Variants in HERPUD2 observed in about 807,000 individuals in gnomAD.
HERPUD2 encodes the protein homocysteine-responsive endoplasmic reticulum-resident ubiquitin-like domain member 2 protein.
A neutral mutation model predicts 49.9 loss-of-function variants in HERPUD2; 13 were observed. The ratio of observed to expected loss-of-function variants is 0.26; its 90% CI spans 0.17 to 0.41. The LOEUF (loss-of-function observed/expected upper bound fraction) is 0.41, where lower values mean the gene tolerates loss of function less well. Among genes scored for constraint, HERPUD2 ranks in the 10% least tolerant of loss-of-function variants. The pLI is 1.00. For synonymous variants in HERPUD2, 172 were observed against 171.4 expected, an observed-to-expected ratio of 1.00 and a Z score of -0.03; for missense variants, 449 against 492.2, an observed-to-expected ratio of 0.91 and a Z score of 0.83.
chr7:35,662,457 C>T (rs1212131055), intron 5 of HERPUD2, among the ~76,000 whole-genome samples: 4 of 152,028 alleles, frequency 2.6e-5, no homozygotes, highest in Non-Finnish European at 5.9e-5. Context: ...TGGAACCAGC[C>T]CCTCTTTGTA....
At chr7:35,660,581 G>A (rs1785394172) in intron 5 of HERPUD2, among the ~76,000 whole-genome samples, 1 of 152,226 alleles carries the variant, frequency 6.6e-6, no homozygotes, top group Non-Finnish European at 1.5e-5. Flanking sequence ...TAACTGGTGT[G>A]AGATGGCATC....
intron 5 of HERPUD2, among the ~76,000 whole-genome samples, chr7:35,653,272 C>T (rs1320328180): frequency 6.6e-6 from 1 of 152,146 alleles, no homozygotes; most frequent in Non-Finnish European, 1.5e-5. Flanking sequence ...CAAACAAGAA[C>T]ATCTATCCTT....
chr7:35,682,345 GTGTGTGTGTGTGTA>G (rs1785924583), intron 2 of HERPUD2, among the ~76,000 whole-genome samples: 35 of 28,222 alleles, frequency 1.2e-3, no homozygotes, highest in Non-Finnish European at 1.7e-3. Flanking sequence ...GTGTGTGTGT[GTGTGTGTGTGTGTA>G]TATATATATA....
At chr7:35,693,368 T>C (rs1222901859) in intron 2 of HERPUD2, among the ~76,000 whole-genome samples, 2 of 152,174 alleles carry the variant, frequency 1.3e-5, no homozygotes, top group Non-Finnish European at 2.9e-5. Context: ...CTACAACTTA[T>C]AATTCTTTGG....
chr7:35,639,546 C>G (rs1784932878), intron 5 of HERPUD2, among the ~76,000 whole-genome samples: 1 of 152,124 alleles, frequency 6.6e-6, no homozygotes, highest in Non-Finnish European at 1.5e-5. Flanking sequence ...TGTAGAAAAT[C>G]ACATATATCA....
At chr7:35,641,033 AT>A (rs1037984771) in intron 5 of HERPUD2, among the ~76,000 whole-genome samples, 16 of 152,168 alleles carry the variant, frequency 1.1e-4, no homozygotes. Context: ...AAGAAAAAAA[AT>A]CAACATATTT....
chr7:35,637,155 A>G (rs1277641837), intron 6 of HERPUD2, among the ~76,000 whole-genome samples: 1 of 146,478 alleles, frequency 6.8e-6, no homozygotes, highest in Non-Finnish European at 1.5e-5. Flanking sequence ...AGAAAGAAAG[A>G]AAGAAAGATA....
chr7:35,687,720 C>T (rs1786095043), intron 2 of HERPUD2, among the ~76,000 whole-genome samples: 1 of 152,150 alleles, frequency 6.6e-6, no homozygotes, highest in African/African-American at 2.4e-5. Flanking sequence ...AAGTGTCTGA[C>T]CCTTTAATGT....
chr7:35,673,033 C>T (rs1479486772), intron 3 of HERPUD2, among the ~76,000 whole-genome samples, 168 bp downstream of exon 3: 2 of 152,126 alleles, frequency 1.3e-5, no homozygotes, highest in African/African-American at 2.4e-5. Flanking sequence ...GTTACCTAAA[C>T]TAATAAGAAA....
chr7:35,636,417 T>C (rs1784872285), intron 6 of HERPUD2, among the ~76,000 whole-genome samples: 1 of 152,232 alleles, frequency 6.6e-6, no homozygotes, highest in Admixed American at 6.5e-5. Context: ...TTCATGAATA[T>C]TCTGATACAC....
chr7:35,680,824 T>C (rs755257067), intron 2 of HERPUD2, among the ~76,000 whole-genome samples: 5 of 152,248 alleles, frequency 3.3e-5, no homozygotes, highest in African/African-American at 1.2e-4. Context: ...CATGTGTTTT[T>C]TTCTCTTAAA....
rs374111267 is a variant in HERPUD2 at position 35,658,145 on chromosome 7, C to T, written c.494+9289G>A. 3.7e-4 allele frequency among the ~76,000 whole-genome samples: 56 copies of T among 152,084 alleles called. 1 individual carries two copies. The South Asian group carries it at 9.1e-3, about 25-fold the overall frequency. ...TATAGACAATAGAACACTATTTCAC[C>T]GTAAAAGAGGATGAAATCCTGTCAT... is the stretch of plus-strand genomic sequence containing the variant. On this transcript the variant is annotated intron_variant, in intron 5 of 8. Coordinates refer to ENST00000311350, the MANE Select transcript of HERPUD2 (RefSeq NM_022373.5).
chr7:35,646,901 GATA>G (rs1785063961), intron 5 of HERPUD2, among the ~76,000 whole-genome samples: 1 of 151,448 alleles, frequency 6.6e-6, no homozygotes, highest in African/African-American at 2.4e-5. Flanking sequence ...AGCACTGTAG[GATA>G]ATAACAGAAA....
chr7:35,685,802 AACCTCATCTCTACTAAAAATAC>A (rs1460177388), intron 2 of HERPUD2, among the ~76,000 whole-genome samples: 5 of 151,810 alleles, frequency 3.3e-5, no homozygotes, highest in African/African-American at 1.2e-4. Flanking sequence ...ACATGGTGGA[AACCTCATCTCTACTAAAAATAC>A]GTGGCAGCAG....
intron 5 of HERPUD2, among the ~76,000 whole-genome samples, chr7:35,651,275 A>G (rs1302308020): frequency 6.6e-6 from 1 of 152,162 alleles, no homozygotes; most frequent in African/African-American, 2.4e-5. Context: ...AGGCCCCCCA[A>G]GAATTGGCCC....
In HERPUD2 at chr7:35,632,757, C is replaced by T. The variant is rs1784799328; in HGVS notation, c.*933G>A. On this transcript the variant is annotated 3_prime_UTR_variant, in exon 9 of 9. Transcript: ENST00000311350. Reference sequence around the variant, plus strand: ...TGCCTATATCAAACATTTTATATCACGTTAATTCCATTGAAGAGCTGCCTT... The same window carrying T: ...TGCCTATATCAAACATTTTATATCATGTTAATTCCATTGAAGAGCTGCCTT... 1 of 152,440 alleles carries T rather than the reference C, an allele frequency of 6.6e-6. No individual in the cohort carries two copies. Among genetic ancestry groups the T allele is most frequent in the African/African-American group, 2.4e-5 (1 of 41,390 alleles). 9.4% of individuals were successfully genotyped at this position (152,440 alleles called of 1,614,324 possible). A position where few individuals can be genotyped will look rare whatever the true frequency, so the allele number is the denominator to read the frequency against.
At position 35,690,941 on chromosome 7, in the gene HERPUD2, C is replaced by G. The variant is rs574265439; in HGVS notation, c.147+3243G>C. Among the ~76,000 whole-genome samples, 4 of 152,298 alleles carry G rather than the reference C, an allele frequency of 2.6e-5. No homozygotes were observed. In the East Asian group the frequency reaches 7.7e-4, roughly 29 times the overall value. ...TTTTCTTGAAACAGCTACACATTCC[C>G]CTAACCCCTACTCCAGAGATGATCA... On this transcript the variant is annotated intron_variant, in intron 2 of 8. Coordinates refer to ENST00000311350, the MANE Select transcript of HERPUD2 (RefSeq NM_022373.5).
intron 5 of HERPUD2, among the ~76,000 whole-genome samples, chr7:35,659,061 G>A (rs1785351241): frequency 6.6e-6 from 1 of 152,166 alleles, no homozygotes; most frequent in Non-Finnish European, 1.5e-5. Flanking sequence ...CTACATGGTG[G>A]TAAACAACAC....
intron 2 of HERPUD2, among the ~76,000 whole-genome samples, chr7:35,687,609 C>T (rs1786091681): frequency 6.6e-6 from 1 of 152,210 alleles, no homozygotes; most frequent in African/African-American, 2.4e-5. Context: ...TGCTAAAAAC[C>T]AAGGTGAGGA....
Sources: allele counts gnomAD v4.1 joint callset (sites outside exome capture counted in the v4.1 genomes callset), GRCh38; gene constraint gnomAD v4.1.1; transcripts MANE v1.5; gene names NCBI Gene and HGNC (gene_info 2026-07-23, HGNC 2026-07-21).